PCDH15: variants seen among roughly 807,000 people sequenced by gnomAD.
PCDH15 encodes the protein protocadherin related 15.
Under a neutral mutation model 178.5 loss-of-function variants are expected in PCDH15, and 129 were observed. The ratio of observed to expected loss-of-function variants is 0.72; its 90% CI spans 0.63 to 0.84. The LOEUF is 0.84. PCDH15 is among the 40% of genes least tolerant of loss of function. The probability of loss-of-function intolerance (pLI) is 0.00; values close to 1 mark genes in which losing one functional copy is unlikely to be tolerated. For missense variants in PCDH15, 2,230 were observed against 2,099.9 expected (o/e 1.06, Z -1.21); for synonymous variants, 800 against 732.0 (o/e 1.09, Z -1.50).
intron 1 of PCDH15, among the ~76,000 whole-genome samples, chr10:54,752,366 A>G (rs1231469764): frequency 1.3e-5 from 2 of 151,342 alleles, no homozygotes; most frequent in Admixed American, 6.6e-5. Context: ...AGTCCCAGCT[A>G]CTCTGGAGGC....
At chr10:54,469,145 G>C (rs2077723288) in intron 3 of PCDH15, among the ~76,000 whole-genome samples, 1 of 152,064 alleles carries the variant, frequency 6.6e-6, no homozygotes, top group African/African-American at 2.4e-5. Flanking sequence ...TGCCCAGTTT[G>C]GACTGCAGTG....
At chr10:55,447,060 T>C (rs1839333716) in intron 2 of PCDH15, among the ~76,000 whole-genome samples, 1 of 151,944 alleles carries the variant, frequency 6.6e-6, no homozygotes, top group African/African-American at 2.4e-5. Flanking sequence ...TGTTGCAAGT[T>C]CAAAGGCATA....
intron 2 of PCDH15, among the ~76,000 whole-genome samples, chr10:54,901,483 T>C (rs958721229): frequency 1.3e-5 from 2 of 152,186 alleles, no homozygotes; most frequent in Admixed American, 6.6e-5. Flanking sequence ...GGTGGCAATA[T>C]ACATGCTAAT....
intron 2 of PCDH15, among the ~76,000 whole-genome samples, chr10:54,904,471 A>T (rs1411947093): frequency 2.7e-5 from 4 of 150,196 alleles, no homozygotes; most frequent in African/African-American, 9.8e-5. Context: ...TATGATGATT[A>T]AAAAAAAAAT....
chr10:54,236,984 A>G, intron 8 of PCDH15, 53 bp from the exon 9 acceptor site: 1 of 1,403,720 alleles, frequency 7.1e-7, no homozygotes, highest in Non-Finnish European at 1.0e-6. Context: ...ATACTTCATG[A>G]AGGATTGAGA....
At chr10:54,941,889 G>A (rs1024151503) in intron 2 of PCDH15, among the ~76,000 whole-genome samples, 4 of 151,958 alleles carry the variant, frequency 2.6e-5, no homozygotes, top group African/African-American at 9.7e-5. Flanking sequence ...TTCTCTGGGC[G>A]ATGCAGTAAC....
intron 2 of PCDH15, among the ~76,000 whole-genome samples, chr10:55,582,444 T>C (rs1842633051): frequency 6.6e-6 from 1 of 151,818 alleles, no homozygotes; most frequent in African/African-American, 2.4e-5. Flanking sequence ...ATACAATTTT[T>C]AGACCAGAAG....
Position 54,066,878 on chromosome 10 carries a change from G to A in PCDH15, c.2099C>T (p.Thr700Ile). 1 of 1,613,140 alleles carries A rather than the reference G, an allele frequency of 6.2e-7. No individual in the cohort carries two copies. Among genetic ancestry groups the A allele is most frequent in the Non-Finnish European group, 8.5e-7 (1 of 1,179,392 alleles). Reference protein sequence around the residue: ...ASDGRPDGTSTATVNIVVTDV... With the variant: ...ASDGRPDGTSIATVNIVVTDV... ...TGTCACCACTATGTTTACTGTGGCAGTTGAGGTCTTAAAGAAAAACACAAG... is the reference window on the plus strand; with the variant it reads ...TGTCACCACTATGTTTACTGTGGCAATTGAGGTCTTAAAGAAAAACACAAG... Residue 700 changes from threonine (T) to isoleucine (I), a missense_variant, in exon 18 of 38, where the codon ACT (threonine) becomes ATT (isoleucine). Thr to Ile is a moderately conservative substitution (Grantham distance 89, BLOSUM62 -1). Transcript: ENST00000644397.
chr10:54,876,160 A>G (rs1450271931), intron 3 of PCDH15, among the ~76,000 whole-genome samples: 1 of 152,122 alleles, frequency 6.6e-6, no homozygotes, highest in Non-Finnish European at 1.5e-5. Context: ...TATAAACATA[A>G]CAATGAAGCC....
At chr10:54,145,509 C>T (rs918147430) in intron 14 of PCDH15, among the ~76,000 whole-genome samples, 2 of 151,964 alleles carry the variant, frequency 1.3e-5, no homozygotes, top group East Asian at 1.9e-4. Flanking sequence ...TTTTGAAATA[C>T]ATATAGAAAT....
At chr10:55,267,493 G>T (rs1842330553) in intron 1 of PCDH15, among the ~76,000 whole-genome samples, 2 of 152,138 alleles carry the variant, frequency 1.3e-5, no homozygotes, top group African/African-American at 4.8e-5. Flanking sequence ...AAACCAATTT[G>T]TCCTTTTTAT....
intron 2 of PCDH15, among the ~76,000 whole-genome samples, chr10:54,929,116 C>G (rs752820270): frequency 1.3e-5 from 2 of 152,088 alleles, no homozygotes; most frequent in Non-Finnish European, 2.9e-5. Context: ...TTCCTTTTAT[C>G]CTATTTGATG....
intron 2 of PCDH15, among the ~76,000 whole-genome samples, chr10:55,558,450 A>G (rs1842131971): frequency 6.6e-6 from 1 of 152,126 alleles, no homozygotes; most frequent in South Asian, 2.1e-4. Flanking sequence ...GCTGCTGAAC[A>G]AGATCCTGCG....
At chr10:53,848,555 C>T (rs1424811591) in intron 28 of PCDH15, among the ~76,000 whole-genome samples, 4 of 151,914 alleles carry the variant, frequency 2.6e-5, no homozygotes, top group Admixed American at 2.6e-4. Context: ...AAAATAAAAA[C>T]ATAAATAAAG....
At position 54,947,231 on chromosome 10, in the gene PCDH15, C is replaced by T. The variant is rs1443732437; in HGVS notation, c.-79-49731G>A. 3.3e-5 allele frequency among the ~76,000 whole-genome samples: 5 copies of T among 151,836 alleles called. No individual in the cohort carries two copies. In the East Asian group the frequency reaches 5.8e-4, roughly 18 times the overall value. On this transcript the variant is annotated intron_variant, in intron 2 of 5. Coordinates refer to the PCDH15 transcript ENST00000458638. The stretch of plus-strand genomic sequence containing the variant: ...CAGCACTGTGCTATTAAGGTTTTTG[C>T]GTGACTTAGCTCATTTAGTCCCTTT...
chr10:54,137,299 C>T (rs1328485273), intron 14 of PCDH15, among the ~76,000 whole-genome samples: 1 of 152,016 alleles, frequency 6.6e-6, no homozygotes, highest in African/African-American at 2.4e-5. Context: ...GATAAATCTC[C>T]ATTTCTAAAA....
At chr10:54,717,752 C>T (rs1266295760) in intron 1 of PCDH15, among the ~76,000 whole-genome samples, 1 of 142,580 alleles carries the variant, frequency 7.0e-6, no homozygotes, top group African/African-American at 2.7e-5. Context: ...CCAGCCATCC[C>T]ATTACTGGGT....
intron 1 of PCDH15, among the ~76,000 whole-genome samples, chr10:54,797,867 A>G (rs1490309173): frequency 6.6e-6 from 1 of 151,964 alleles, no homozygotes; most frequent in Non-Finnish European, 1.5e-5. Flanking sequence ...AGATTAAGTC[A>G]TACTCGTCTA....
chr10:55,016,115 A>G, intron 2 of PCDH15, among the ~76,000 whole-genome samples: 1 of 147,678 alleles, frequency 6.8e-6, no homozygotes, highest in African/African-American at 2.4e-5. Context: ...AAAAAAAAAA[A>G]AAAAGACTGT....
Sources: allele counts gnomAD v4.1 joint callset (sites outside exome capture counted in the v4.1 genomes callset), GRCh38; gene constraint gnomAD v4.1.1; transcripts MANE v1.5; gene names NCBI Gene and HGNC (gene_info 2026-07-23, HGNC 2026-07-21).